PCDHAC1: variants seen among roughly 807,000 people sequenced by gnomAD.
PCDHAC1 encodes the protein protocadherin alpha-C1.
PCDHAC1 carries 42 observed loss-of-function variants against 60.0 expected under a neutral mutation model. The observed-to-expected ratio is 0.70, with a 90% CI of 0.55 to 0.90. PCDHAC1 has a LOEUF of 0.90. Ranked by LOEUF, PCDHAC1 falls within the 40% of genes least tolerant of loss-of-function variation. PCDHAC1 has a pLI of 0.00. For missense variants in PCDHAC1, 1,160 were observed against 1,222.3 expected, an observed-to-expected ratio of 0.95 and a Z score of 0.76; for synonymous variants, 468 against 499.3, an observed-to-expected ratio of 0.94 and a Z score of 0.84.
chr5:140,974,440 C>T (rs782138345), intron 1 of PCDHAC1, among the ~76,000 whole-genome samples: 7 of 152,182 alleles, frequency 4.6e-5, no homozygotes, highest in Admixed American at 1.3e-4. Context: ...TGTAAATTAG[C>T]ATTTTAAATG....
At chr5:141,001,985 GAAGTTC>G in intron 3 of PCDHAC1, among the ~76,000 whole-genome samples, 1 of 152,312 alleles carries the variant, frequency 6.6e-6, no homozygotes, top group Admixed American at 6.5e-5. Context: ...GGAAAGCCTG[GAAGTTC>G]ACTTGCAAAC....
chr5:140,948,525 A>G (rs187765359), intron 1 of PCDHAC1, among the ~76,000 whole-genome samples: 2 of 151,708 alleles, frequency 1.3e-5, no homozygotes, highest in Admixed American at 1.3e-4. Flanking sequence ...AACACTATTT[A>G]TATTTTATTT....
At chr5:140,963,989 T>C (rs2095803669) in intron 1 of PCDHAC1, among the ~76,000 whole-genome samples, 1 of 152,202 alleles carries the variant, frequency 6.6e-6, no homozygotes, top group Non-Finnish European at 1.5e-5. Flanking sequence ...ATATTCCTAA[T>C]TACTGTGTTC....
At chr5:140,968,229 TC>T in intron 1 of PCDHAC1, 2 of 1,613,970 alleles carry the variant, frequency 1.2e-6, no homozygotes, top group Non-Finnish European at 1.7e-6. Flanking sequence ...GGTGTGTTGC[TC>T]TGTACTGTGC....
At chr5:140,987,560 G>A (rs2097259227) in intron 3 of PCDHAC1, among the ~76,000 whole-genome samples, 36 of 152,130 alleles carry the variant, frequency 2.4e-4, no homozygotes, top group Admixed American at 2.4e-3. Flanking sequence ...CTGATTCTCA[G>A]TTTCTTTCTC....
intron 3 of PCDHAC1, among the ~76,000 whole-genome samples, chr5:141,003,829 A>G (rs1220753607): frequency 1.3e-5 from 2 of 152,184 alleles, no homozygotes; most frequent in Admixed American, 6.5e-5. Flanking sequence ...GGCTCTGCCT[A>G]ACGATTCAGA....
At chr5:140,931,717 C>G (rs2087694120) in intron 1 of PCDHAC1, among the ~76,000 whole-genome samples, 1 of 151,872 alleles carries the variant, frequency 6.6e-6, no homozygotes, top group Admixed American at 6.6e-5. Flanking sequence ...AAAATAACTT[C>G]TATAAATATG....
chr5:140,929,665 AGAAT>A (rs2086286980), intron 1 of PCDHAC1: 2 of 332,822 alleles, frequency 6.0e-6, no homozygotes, highest in East Asian at 1.0e-4. Flanking sequence ...TTTAAAGTGA[AGAAT>A]GAAAAATATG....
At chr5:141,002,759 G>A (rs1312107218) in intron 3 of PCDHAC1, among the ~76,000 whole-genome samples, 1 of 152,214 alleles carries the variant, frequency 6.6e-6, no homozygotes, top group Non-Finnish European at 1.5e-5. Flanking sequence ...ACCCTGTGAT[G>A]TAGACAGGAA....
intron 3 of PCDHAC1, among the ~76,000 whole-genome samples, chr5:141,005,506 A>G (rs1462164149): frequency 1.3e-5 from 2 of 151,786 alleles, no homozygotes; most frequent in East Asian, 3.9e-4. Flanking sequence ...GATCGAGACC[A>G]TCCTGGCTAA....
At chr5:140,940,717 G>T (rs1554213570) in intron 1 of PCDHAC1, among the ~76,000 whole-genome samples, 1 of 152,130 alleles carries the variant, frequency 6.6e-6, no homozygotes, top group African/African-American at 2.4e-5. Flanking sequence ...GCTGTGTGCT[G>T]TTTCAGCTGG....
chr5:140,966,750 C>A, intron 1 of PCDHAC1: 1 of 1,428,438 alleles, frequency 7.0e-7, no homozygotes, highest in South Asian at 1.5e-5. Flanking sequence ...CGGCTGCCTC[C>A]GCCGCGGCCA....
intron 1 of PCDHAC1, chr5:140,968,340 A>G: frequency 6.2e-7 from 1 of 1,614,136 alleles, no homozygotes; most frequent in African/African-American, 1.3e-5. Context: ...GTCTCCATTA[A>G]CAGTGCCAGT....
rs982709387 is a variant in PCDHAC1, at chr5:141,003,306, C to T, written c.2582-6321C>T. ...TGGATTATAGGATTACATGAAGTGG[C>T]CAGCTACTTCCAGAGGGCAGGGTTT... On this transcript the variant is annotated intron_variant, in intron 3 of 3. Coordinates refer to ENST00000253807, the MANE Select transcript of PCDHAC1 (RefSeq NM_018898.5). 1.7e-4 allele frequency among the ~76,000 whole-genome samples: 26 copies of T among 152,276 alleles called. No homozygotes were observed. In the East Asian group the frequency reaches 4.1e-3, roughly 24 times the overall value.
intron 1 of PCDHAC1, chr5:140,967,990 G>C: frequency 6.2e-7 from 1 of 1,614,232 alleles, no homozygotes; most frequent in Non-Finnish European, 8.5e-7. Flanking sequence ...AGGCCACACT[G>C]CCTTTCCGAC....
At chr5:140,941,240 T>TTTC (rs2092939181) in intron 1 of PCDHAC1, among the ~76,000 whole-genome samples, 2 of 141,590 alleles carry the variant, frequency 1.4e-5, no homozygotes, top group Non-Finnish European at 3.0e-5. Flanking sequence ...TCTTTCTTTC[T>TTTC]TTCTTTCTTT....
intron 1 of PCDHAC1, among the ~76,000 whole-genome samples, chr5:140,937,273 G>A (rs1165421382): frequency 1.3e-5 from 2 of 151,966 alleles, no homozygotes; most frequent in African/African-American, 2.4e-5. Context: ...TCCTGACCTC[G>A]TGATTCACCC....
chr5:140,983,719 A>C (rs1417350764), intron 3 of PCDHAC1, among the ~76,000 whole-genome samples: 1 of 152,256 alleles, frequency 6.6e-6, no homozygotes, highest in African/African-American at 2.4e-5. Context: ...TAGCACTTAT[A>C]TTCATAACAT....
chr5:140,941,185 CTTT>C (rs782102770), intron 1 of PCDHAC1, among the ~76,000 whole-genome samples: 1 of 102,176 alleles, frequency 9.8e-6, no homozygotes, highest in Admixed American at 9.9e-5. Flanking sequence ...CATCCTGCTT[CTTT>C]TTTTTTCTTT....
Sources: gnomAD v4.1 joint callset for allele counts (sites outside exome capture counted in the v4.1 genomes callset) on GRCh38, gnomAD v4.1.1 for gene constraint, MANE v1.5 for transcripts, NCBI Gene and HGNC (gene_info 2026-07-23, HGNC 2026-07-21) for gene names.